MICAL3: variants seen among roughly 807,000 people sequenced by gnomAD.
MICAL3 encodes [F-actin]-monooxygenase MICAL3.
Under a neutral mutation model 207.4 loss-of-function variants are expected in MICAL3, and 62 were observed. The observed-to-expected ratio is 0.30, with a 90% CI of 0.24 to 0.37. The LOEUF is 0.37. MICAL3 is among the 10% of genes least tolerant of loss of function. The pLI is 1.00. For missense variants in MICAL3, 2,368 were observed against 2,635.6 expected (o/e 0.90, Z 2.22); for synonymous variants, 1,077 against 1,069.3 (o/e 1.01, Z -0.14).
At chr22:17,860,158 G>A (rs1174520917) in intron 19 of MICAL3, 7 of 968,652 alleles carry the variant, frequency 7.2e-6, no homozygotes, top group East Asian at 1.1e-4. Flanking sequence ...TCAGAAATCC[G>A]AAGATTGTTT....
At chr22:17,880,029 G>A (rs994368310) in intron 16 of MICAL3, among the ~76,000 whole-genome samples, 4 of 152,216 alleles carry the variant, frequency 2.6e-5, no homozygotes, top group Non-Finnish European at 4.4e-5. Flanking sequence ...GACCAGGGAA[G>A]GCTCCTCGCA....
intron 1 of MICAL3, among the ~76,000 whole-genome samples, chr22:17,907,733 T>C (rs1488762326): frequency 1.3e-5 from 2 of 151,914 alleles, no homozygotes; most frequent in African/African-American, 4.8e-5. Flanking sequence ...TGAGGAACAG[T>C]AGGGAGAGGT....
chr22:18,012,362 A>C (rs1923795786), intron 1 of MICAL3, among the ~76,000 whole-genome samples: 1 of 152,232 alleles, frequency 6.6e-6, no homozygotes, highest in South Asian at 2.1e-4. Flanking sequence ...GGAAAGGCAG[A>C]GGTACCACTG....
intron 1 of MICAL3, among the ~76,000 whole-genome samples, chr22:17,975,573 T>C (rs1188575244): frequency 1.3e-5 from 2 of 151,864 alleles, no homozygotes. Context: ...AAGAAAAAAA[T>C]TCAACGAATT....
chr22:17,842,669 T>C (rs1490884608), intron 19 of MICAL3, among the ~76,000 whole-genome samples: 4 of 152,268 alleles, frequency 2.6e-5, no homozygotes, highest in African/African-American at 9.6e-5. Flanking sequence ...CCCAGGCCTC[T>C]CTGCGATGCA....
At chr22:17,943,634 A>C (rs2146342004) in intron 1 of MICAL3, among the ~76,000 whole-genome samples, 1 of 152,378 alleles carries the variant, frequency 6.6e-6, no homozygotes, top group East Asian at 1.9e-4. Context: ...GGCGATGTGC[A>C]GCCATGGCTC....
chr22:17,992,811 T>G (rs182136504), intron 1 of MICAL3, among the ~76,000 whole-genome samples: 1 of 152,160 alleles, frequency 6.6e-6, no homozygotes, highest in African/African-American at 2.4e-5. Context: ...CTCACGGGAT[T>G]TGGAGTCATT....
chr22:17,891,498 G>A lies in MICAL3; in HGVS notation c.1681C>T (p.Arg561Cys), dbSNP rs375527563. 1.4e-5 allele frequency: 22 copies of A among 1,613,816 alleles called. No individual in the cohort carries two copies. The highest frequency in any genetic ancestry group is 1.3e-5 in the African/African-American group (1 of 74,914). The change falls in exon 12 of 32, where the codon CGC becomes TGC. Residue 561 changes from arginine (R) to cysteine (C), a missense_variant. Transcript: ENST00000441493. ...ATCACAACTTACATCAGGTCAGGGCGGTATCTATGGATAATTGCACAAAGG... is the reference window on the plus strand; with the variant it reads ...ATCACAACTTACATCAGGTCAGGGCAGTATCTATGGATAATTGCACAAAGG... Reference protein sequence around the residue: ...LALCAIIHRYRPDLIDFDSLD... With the variant: ...LALCAIIHRYCPDLIDFDSLD...
intron 1 of MICAL3, among the ~76,000 whole-genome samples, chr22:18,000,845 A>C (rs1922891184): frequency 1.3e-5 from 2 of 152,160 alleles, no homozygotes; most frequent in African/African-American, 4.8e-5. Context: ...CGCTAGCTCC[A>C]GGCCGGGGCA....
Position 17,891,615 on chromosome 22 carries a change from T to C in MICAL3, c.1564A>G (p.Ser522Gly), listed in dbSNP as rs770442026. The C allele has an allele frequency of 4.8e-5, 78 of 1,613,904 alleles. No individual in the cohort carries two copies. The highest frequency in any genetic ancestry group is 6.0e-5 in the Non-Finnish European group (71 of 1,179,894). Reference sequence around the variant, plus strand: ...CTCTGGCACCAACCCAGCAGTTTGCTTGAACGAGCTACAGACTCTAAAACA... The same window carrying C: ...CTCTGGCACCAACCCAGCAGTTTGCCTGAACGAGCTACAGACTCTAAAACA... ...LTRNESVARSSKLLGWCQRQT... is the reference protein window; with the variant it reads ...LTRNESVARSGKLLGWCQRQT... Residue 522 changes from serine to glycine, a missense_variant, in exon 12 of 32, where the codon AGC (serine) becomes GGC (glycine). Physicochemically the swap from Ser to Gly is moderately conservative, Grantham distance 56. Transcript: ENST00000441493.
chr22:17,907,987 G>C (rs1931864089), intron 1 of MICAL3, among the ~76,000 whole-genome samples: 2 of 152,208 alleles, frequency 1.3e-5, no homozygotes, highest in Non-Finnish European at 2.9e-5. Context: ...GCTGGACAGA[G>C]GCTGGGAGGT....
chr22:17,839,258 A>ATTTTTTTTTTTT (rs58568915), intron 20 of MICAL3, among the ~76,000 whole-genome samples: 5 of 110,392 alleles, frequency 4.5e-5, no homozygotes, highest in Non-Finnish European at 5.4e-5. Flanking sequence ...CGGGCTCTTC[A>ATTTTTTTTTTTT]TTTTTTTTTT....
chr22:17,948,106 T>C (rs532326497), intron 1 of MICAL3, among the ~76,000 whole-genome samples: 1 of 152,268 alleles, frequency 6.6e-6, no homozygotes, highest in South Asian at 2.1e-4. Context: ...ACCAGATGCC[T>C]GTGTCATCCA....
chr22:18,000,129 C>G (rs1293133898), intron 1 of MICAL3, among the ~76,000 whole-genome samples: 9 of 152,112 alleles, frequency 5.9e-5, no homozygotes, highest in African/African-American at 2.2e-4. Context: ...ATCCTCATCC[C>G]TGGAGTACAA....
intron 19 of MICAL3, chr22:17,861,848 G>A (rs1926547389): frequency 1.0e-6 from 1 of 985,302 alleles, no homozygotes; most frequent in South Asian, 4.7e-5. Context: ...GTACAGATTT[G>A]GTTACCAGAG....
intron 1 of MICAL3, chr22:18,004,381 C>G (rs377282956): frequency 0.016 from 2,406 of 152,398 alleles, 20 homozygotes; most frequent in Middle Eastern, 0.037. Context: ...CCTGCCTCAG[C>G]CTCCCGAGTA....
intron 29 of MICAL3, chr22:17,803,489 G>A (rs1420294177): frequency 6.6e-6 from 1 of 152,018 alleles, no homozygotes; most frequent in African/African-American, 2.4e-5. Flanking sequence ...TGAGATTCAG[G>A]GCAAAAGCTG....
At chr22:17,955,649 C>A (rs143719687) in intron 1 of MICAL3, among the ~76,000 whole-genome samples, 2,415 of 152,320 alleles carry the variant, frequency 0.016, 29 homozygotes, top group South Asian at 0.033. Flanking sequence ...TTAATTCTTA[C>A]AAATTAACAC....
intron 1 of MICAL3, among the ~76,000 whole-genome samples, chr22:17,930,322 T>G (rs1266844406): frequency 6.6e-6 from 1 of 152,190 alleles, no homozygotes; most frequent in Admixed American, 6.5e-5. Flanking sequence ...CCAACAGAGA[T>G]GAATGTCTTA....
Sources: allele counts gnomAD v4.1 joint callset (sites outside exome capture counted in the v4.1 genomes callset), GRCh38; gene constraint gnomAD v4.1.1; transcripts MANE v1.5; gene names NCBI Gene and HGNC (gene_info 2026-07-23, HGNC 2026-07-21).